TNXB: variants seen among roughly 807,000 people sequenced by gnomAD.
The protein encoded by TNXB is tenascin XB, also known as tenascin-X.
Under a neutral mutation model 340.5 loss-of-function variants are expected in TNXB, and 183 were observed. The ratio of observed to expected loss-of-function variants is 0.54; its 90% CI spans 0.48 to 0.61. The LOEUF (loss-of-function observed/expected upper bound fraction) is 0.61, where lower values mean the gene tolerates loss of function less well. Among genes scored for constraint, TNXB ranks in the 20% least tolerant of loss-of-function variants. The pLI, the probability that TNXB is intolerant of heterozygous loss-of-function variation, is 0.00. For synonymous variants in TNXB, 2,121 were observed against 2,314.5 expected (o/e 0.92, Z 2.40); for missense variants, 4,613 against 5,446.4 (o/e 0.85, Z 4.82).
In TNXB at chr6:32,083,919, C is replaced by A. The variant is rs140388046; in HGVS notation, c.3445+494G>T. Among the ~76,000 whole-genome samples the A allele has an allele frequency of 6.6e-6, 1 of 152,296 alleles. No individual in the cohort carries two copies. The highest frequency in any genetic ancestry group is 2.4e-5 in the African/African-American group (1 of 41,540). The stretch of plus-strand genomic sequence containing the variant: ...TCAAGCGATCCTCCTGCCTTGGCCT[C>A]CCAAGGTGCTGGGATTATAGGCAGG... On this transcript the variant is annotated intron_variant, in intron 8 of 43. Transcript: ENST00000644971. The surrounding 1 kb of genome is among the most constrained non-coding windows in gnomAD (Gnocchi z 4.6).
Position 32,048,663 on chromosome 6 carries a change from G to C in TNXB, c.9758-13C>G. 6.9e-7 allele frequency: 1 copy of C among 1,446,560 alleles called. No individual in the cohort carries two copies. The highest frequency in any genetic ancestry group is 9.1e-7 in the Non-Finnish European group (1 of 1,094,310). 89.6% of individuals were successfully genotyped at this position (1,446,560 alleles called of 1,614,324 possible). A position where few individuals can be genotyped will look rare whatever the true frequency, so the allele number is the denominator to read the frequency against. On this transcript the variant is annotated splice_polypyrimidine_tract_variant and intron_variant, in intron 28 of 43. Transcript: ENST00000644971. ...GTGGGCAGGGGCGCTGAAAAGAGCA[G>C]AGCAGGCCCATGGGTCAGGAGGCAG...
rs1045377462 is a variant in TNXB, at chr6:32,047,039, G to C, written c.10325-583C>G. Among the ~76,000 whole-genome samples the C allele has an allele frequency of 6.6e-6, 1 of 152,260 alleles. No individual in the cohort carries two copies. Among genetic ancestry groups the C allele is most frequent in the Non-Finnish European group, 1.5e-5 (1 of 68,038 alleles). On this transcript the variant is annotated intron_variant, in intron 30 of 43. Coordinates refer to ENST00000644971, the MANE Select transcript of TNXB (RefSeq NM_001365276.2). The surrounding 1 kb of genome is among the most constrained non-coding windows in gnomAD (Gnocchi z 6.2). ...AGGGTGGGGCAGGGAGAAGACAGGG[G>C]ATTAGCTGGGAGAACAGAGGGCAGA...
At position 32,049,216 on chromosome 6, in the gene TNXB, C is replaced by A; in HGVS notation, c.9757+54G>T. The A allele has an allele frequency of 1.3e-6, 2 of 1,558,074 alleles. No individual in the cohort carries two copies. The highest frequency in any genetic ancestry group is 1.7e-6 in the Non-Finnish European group (2 of 1,150,996). On this transcript the variant is annotated intron_variant, in intron 28 of 43. Coordinates refer to ENST00000644971, the MANE Select transcript of TNXB (RefSeq NM_001365276.2). This position sits in a 1 kb window ranked among gnomAD's most constrained non-coding sequence, Gnocchi z 4.5. Reference sequence around the variant, plus strand: ...GAGGTGCCAAGATCCAAAGGAGAAACACAAGGGGGCTGCAGAGGTAAACCT... The same window carrying A: ...GAGGTGCCAAGATCCAAAGGAGAAAAACAAGGGGGCTGCAGAGGTAAACCT...
rs1778704115 is a variant in TNXB at position 32,070,416 on chromosome 6, T to C, written c.4991-2A>G. 1.3e-6 allele frequency: 2 copies of C among 1,582,172 alleles called. No individual in the cohort carries two copies. The highest frequency in any genetic ancestry group is 1.7e-5 in the Admixed American group (1 of 57,336). The stretch of plus-strand genomic sequence containing the variant: ...CTGGGCTGGCGTCACCTCGGGCAAC[T>C]GGAGAGGAAAGGTTCTTGTGTTTAT... On this transcript the variant is annotated splice_acceptor_variant, in intron 13 of 43. Coordinates refer to ENST00000644971, the MANE Select transcript of TNXB (RefSeq NM_001365276.2). LOFTEE classifies it high-confidence loss of function. This position sits in a 1 kb window ranked among gnomAD's most constrained non-coding sequence, Gnocchi z 6.0.
rs1363270583 is a variant in TNXB at position 32,079,963 on chromosome 6, C to T, written c.4043-598G>A. Among the ~76,000 whole-genome samples the T allele has an allele frequency of 6.6e-6, 1 of 152,210 alleles. No individual in the cohort carries two copies. Among genetic ancestry groups the T allele is most frequent in the African/African-American group, 2.4e-5 (1 of 41,450 alleles). On this transcript the variant is annotated intron_variant, in intron 10 of 43. Coordinates refer to ENST00000644971, the MANE Select transcript of TNXB (RefSeq NM_001365276.2). This position sits in a 1 kb window ranked among gnomAD's most constrained non-coding sequence, Gnocchi z 7.1. ...CCCTACAGTTAGGTCTCTGCTGAGG[C>T]TCCATGGAGTGGGGAGACTGTGGCA...
intron 1 of TNXB, among the ~76,000 whole-genome samples, chr6:32,103,878 C>T (rs1562887275): frequency 6.6e-6 from 1 of 151,946 alleles, no homozygotes; most frequent in Non-Finnish European, 1.5e-5. Flanking sequence ...ACTACAGGCA[C>T]CCGCTACCAC....
Position 32,056,135 on chromosome 6 carries a change from G to A in TNXB, c.8183C>T (p.Thr2728Ile), listed in dbSNP as rs1380285446. The change falls in exon 24 of 44, where the codon ACT becomes ATT. Residue 2728 changes from threonine to isoleucine, a missense_variant. Around this residue, in one of 7 missense-constraint regions of TNXB, gnomAD observed 4,327 missense variants for 4,859.4 expected, o/e 0.89. Coordinates refer to ENST00000644971, the MANE Select transcript of TNXB (RefSeq NM_001365276.2). ...EETPSPTELS[T>I]EAPEPPEEPL... ...CTCCTCAGGGGGCTCCGGGGCCTCAGTGCTGAGTTCCGTGGGGCTGGGGGT... is the reference window on the plus strand; with the variant it reads ...CTCCTCAGGGGGCTCCGGGGCCTCAATGCTGAGTTCCGTGGGGCTGGGGGT... 8 of 1,612,494 alleles carry A rather than the reference G, an allele frequency of 5.0e-6. No individual in the cohort carries two copies. In the African/African-American group the frequency reaches 9.3e-5, roughly 19 times the overall value.
intron 1 of TNXB, among the ~76,000 whole-genome samples, chr6:32,107,912 G>C (rs1369423200): frequency 6.6e-6 from 1 of 152,132 alleles, no homozygotes; most frequent in African/African-American, 2.4e-5. Context: ...TATTGGGCTG[G>C]AACCAGGTAG....
At position 32,082,013 on chromosome 6, in the gene TNXB, G is replaced by A. The variant is rs1199574703; in HGVS notation, c.3736+23C>T. 6.3e-7 allele frequency: 1 copy of A among 1,588,796 alleles called. No homozygotes were observed. The highest frequency in any genetic ancestry group is 8.6e-7 in the Non-Finnish European group (1 of 1,167,616). On this transcript the variant is annotated intron_variant, in intron 9 of 43. Coordinates refer to ENST00000644971, the MANE Select transcript of TNXB (RefSeq NM_001365276.2). This position sits in a 1 kb window ranked among gnomAD's most constrained non-coding sequence, Gnocchi z 5.0. ...ATGGGGCTGAGAAGGGGTCACATGGGGGCTGAGGTGGCTGCTACTCACCAG... is the reference window on the plus strand; with the variant it reads ...ATGGGGCTGAGAAGGGGTCACATGGAGGCTGAGGTGGCTGCTACTCACCAG...
rs1274531195 is a variant in TNXB at position 32,075,331 on chromosome 6, A to T, written c.4376-1379T>A. 6.6e-6 allele frequency among the ~76,000 whole-genome samples: 1 copy of T among 152,164 alleles called. No individual in the cohort carries two copies. The highest frequency in any genetic ancestry group is 1.5e-5 in the Non-Finnish European group (1 of 68,030). ...AGGTCCCATATTCATCTCTTAGATC[A>T]TTCCCTATTGCCTGCCCTCCTCCAA... On this transcript the variant is annotated intron_variant, in intron 11 of 43. Coordinates refer to ENST00000644971, the MANE Select transcript of TNXB (RefSeq NM_001365276.2). The surrounding 1 kb of genome is among the most constrained non-coding windows in gnomAD (Gnocchi z 4.6).
rs1777947626 is a variant in TNXB at position 32,060,571 on chromosome 6, C to T, written c.7492+826G>A. Among the ~76,000 whole-genome samples, 3 of 151,946 alleles carry T rather than the reference C, an allele frequency of 2.0e-5. No homozygotes were observed. In the South Asian group the frequency reaches 6.2e-4, roughly 31 times the overall value. ...ATCAGGCAACCCGTGGGATGTGTTT[C>T]TTTCCAGTCTTCTTGCCATGCCTGT... On this transcript the variant is annotated intron_variant, in intron 21 of 43. Coordinates refer to ENST00000644971, the MANE Select transcript of TNXB (RefSeq NM_001365276.2).
At position 32,084,692 on chromosome 6, in the gene TNXB, G is replaced by T. The variant is rs770570743; in HGVS notation, c.3166C>A (p.Pro1056Thr). 3.8e-6 allele frequency: 6 copies of T among 1,575,838 alleles called. No individual in the cohort carries two copies. In the Admixed American group the frequency reaches 1.0e-4, roughly 27 times the overall value. ...QGIMDKDEEKPGKSSGPPRLG... is the reference protein window; with the variant it reads ...QGIMDKDEEKTGKSSGPPRLG... ...CGTGGTGGGCCTGAGGACTTCCCAG[G>T]CTTCTCCTCATCCTTGTCTGGAGTT... The change falls in exon 8 of 44, where the codon CCT (proline) becomes ACT (threonine). Residue 1056 changes from proline (P) to threonine (T), a missense_variant. Around this residue, in one of 7 missense-constraint regions of TNXB, gnomAD observed 4,327 missense variants for 4,859.4 expected, o/e 0.89. Coordinates refer to ENST00000644971, the MANE Select transcript of TNXB (RefSeq NM_001365276.2). The surrounding 1 kb of genome is among the most constrained non-coding windows in gnomAD (Gnocchi z 5.5).
Position 32,068,493 on chromosome 6 carries a change from C to T in TNXB, c.6117G>A (p.Gly2039=). ...CTGGCTCCAGGCCCGAGATGGTGAC[C>T]CCTTCCTCGTGCCCTGGCACCCTCA... ...KAVRVPGHEE[G]VTISGLEPDH... The change falls in exon 17 of 44, where the codon GGG becomes GGA. Residue 2039 remains glycine, a synonymous_variant. Transcript: ENST00000644971. This position sits in a 1 kb window ranked among gnomAD's most constrained non-coding sequence, Gnocchi z 5.3. 2 of 1,613,904 alleles carry T rather than the reference C, an allele frequency of 1.2e-6. No individual in the cohort carries two copies. The highest frequency in any genetic ancestry group is 1.3e-5 in the African/African-American group (1 of 75,056).
intron 34 of TNXB, 43 bp from the exon 35 acceptor site, chr6:32,043,935 G>T: frequency 6.2e-7 from 1 of 1,612,894 alleles, no homozygotes; most frequent in East Asian, 2.2e-5. Context: ...GAACCCCAGG[G>T]CAGCTGGAGG....
At chr6:32,057,735 T>G (rs1777753835) in intron 22 of TNXB, among the ~76,000 whole-genome samples, 1 of 152,176 alleles carries the variant, frequency 6.6e-6, no homozygotes, top group South Asian at 2.1e-4. Context: ...CTGACACACT[T>G]CACCTTCTCT....
Position 32,072,331 on chromosome 6 carries a change from G to A in TNXB, c.4682-33C>T. ...TTGGGAAGACAAAGAACATGGTTGA[G>A]ATCTCTGAGGGGAGAACCCCTGGGC... On this transcript the variant is annotated intron_variant, in intron 12 of 43. Coordinates refer to ENST00000644971, the MANE Select transcript of TNXB (RefSeq NM_001365276.2). This position sits in a 1 kb window ranked among gnomAD's most constrained non-coding sequence, Gnocchi z 4.4. The A allele has an allele frequency of 6.4e-7, 1 of 1,556,240 alleles. No individual in the cohort carries two copies. The highest frequency in any genetic ancestry group is 8.7e-7 in the Non-Finnish European group (1 of 1,148,860).
chr6:32,054,050 CTT>C (rs1382937698), intron 24 of TNXB, among the ~76,000 whole-genome samples: 2 of 152,152 alleles, frequency 1.3e-5, no homozygotes, highest in African/African-American at 2.4e-5. Context: ...GGGCTTCTGT[CTT>C]TGCTCCGCAA....
rs1432838899 is a variant in TNXB, at chr6:32,075,815, TAGA to T, written c.4376-1866_4376-1864del. Among the ~76,000 whole-genome samples the T allele has an allele frequency of 6.6e-6, 1 of 152,168 alleles. No individual in the cohort carries two copies. The highest frequency in any genetic ancestry group is 1.5e-5 in the Non-Finnish European group (1 of 68,026). On this transcript the variant is annotated intron_variant, in intron 11 of 43. Coordinates refer to ENST00000644971, the MANE Select transcript of TNXB (RefSeq NM_001365276.2). The surrounding 1 kb of genome is among the most constrained non-coding windows in gnomAD (Gnocchi z 4.6). ...AGGAAGCACTCATTAGTGAGCAAAC[TAGA>T]AGGTGGTCCCAAGAGGCAAAATGGC...
rs1048992578 is a variant in TNXB at position 32,041,523 on chromosome 6, T to C, written c.12634-73A>G. 3.5e-5 allele frequency: 41 copies of C among 1,180,264 alleles called. 5 individuals are homozygous for C. Among genetic ancestry groups the C allele is most frequent in the East Asian group, 5.1e-5 (2 of 39,582 alleles). 73.1% of individuals were successfully genotyped at this position (1,180,264 alleles called of 1,614,324 possible). A position where few individuals can be genotyped will look rare whatever the true frequency, so the allele number is the denominator to read the frequency against. On this transcript the variant is annotated intron_variant, in intron 43 of 43. Coordinates refer to ENST00000644971, the MANE Select transcript of TNXB (RefSeq NM_001365276.2). Reference sequence around the variant, plus strand: ...GCTCTTCCCGTTCCCCTTAAGGAGGTAGCTCCCAGCACTCAACCAACCTCC... The same window carrying C: ...GCTCTTCCCGTTCCCCTTAAGGAGGCAGCTCCCAGCACTCAACCAACCTCC...
Sources: allele counts gnomAD v4.1 joint callset (sites outside exome capture counted in the v4.1 genomes callset), GRCh38; gene constraint gnomAD v4.1.1; regional missense constraint gnomAD v4.1.1; non-coding constraint Gnocchi (gnomAD v3.1); transcripts MANE v1.5; gene names NCBI Gene and HGNC (gene_info 2026-07-23, HGNC 2026-07-21).